The following DNAAF1 variants were observed in gnomAD, a reference collection of about 807,000 sequenced individuals.
DNAAF1 encodes dynein axonemal assembly factor 1.
DNAAF1 carries 65 observed loss-of-function variants against 71.1 expected under a neutral mutation model. The observed-to-expected ratio is 0.91, with a 90% CI of 0.75 to 1.12. The LOEUF (loss-of-function observed/expected upper bound fraction) is 1.12. Among genes scored for constraint, DNAAF1 ranks in the 50% most tolerant of loss-of-function variants. DNAAF1 has a pLI of 0.00. For missense variants in DNAAF1, 1,178 were observed against 899.8 expected, an observed-to-expected ratio of 1.31 and a Z score of -3.96; for synonymous variants, 414 against 354.6, an observed-to-expected ratio of 1.17 and a Z score of -1.88.
chr16:84,160,619 T>C (rs1466420031), intron 6 of DNAAF1, among the ~76,000 whole-genome samples: 1 of 152,176 alleles, frequency 6.6e-6, no homozygotes, highest in Non-Finnish European at 1.5e-5. Context: ...ATATTTCAAA[T>C]AGAGCTTCCA....
chr16:84,165,997 G>A (rs2087959851), intron 7 of DNAAF1, 48 bp downstream of exon 7: 1 of 1,597,820 alleles, frequency 6.3e-7, no homozygotes, highest in African/African-American at 1.4e-5. Context: ...TTTGAGATTA[G>A]GCAAGTCTAA....
intron 7 of DNAAF1, among the ~76,000 whole-genome samples, chr16:84,167,293 C>G (rs2088065669): frequency 6.6e-6 from 1 of 152,096 alleles, no homozygotes; most frequent in African/African-American, 2.4e-5. Flanking sequence ...CCTCTCTGGC[C>G]ACACCCCGCT....
intron 9 of DNAAF1, chr16:84,172,747 G>T (rs2088432784): frequency 1.7e-6 from 2 of 1,154,330 alleles, no homozygotes; most frequent in Non-Finnish European, 2.2e-6. Context: ...GAGTTACATT[G>T]TATCATCAGT....
chr16:84,145,384 C>A lies in DNAAF1; in HGVS notation c.-57C>A. 11 of 1,556,374 alleles carry A rather than the reference C, an allele frequency of 7.1e-6. 1 individual carries two copies. In the South Asian group the frequency reaches 1.3e-4, roughly 18 times the overall value. On this transcript the variant is annotated 5_prime_UTR_variant, in exon 1 of 12. Transcript: ENST00000378553. ...GGCTGGGCTGGGGCCGTAGCGACGT[C>A]CGCCGCGAACCTGGGCCCCCCAAAG...
At chr16:84,161,283 G>A (rs1015572449) in intron 6 of DNAAF1, among the ~76,000 whole-genome samples, 3 of 152,118 alleles carry the variant, frequency 2.0e-5, no homozygotes, top group African/African-American at 4.8e-5. Flanking sequence ...TCCTGCTCCC[G>A]CCCCAGGGGC....
intron 7 of DNAAF1, among the ~76,000 whole-genome samples, chr16:84,168,822 C>CCACACACA (rs1352763766): frequency 1.4e-3 from 61 of 42,376 alleles, no homozygotes; most frequent in African/African-American, 3.7e-3. Context: ...TACACATTTG[C>CCACACACA]CACATACACA....
Position 84,170,234 on chromosome 16 carries a change from C to G in DNAAF1, c.1406C>G (p.Pro469Arg). Residue 469 changes from proline (P) to arginine (R), a missense_variant, in exon 8 of 12, where the codon CCA becomes CGA. Pro to Arg is a moderately radical substitution (Grantham distance 103, BLOSUM62 -2). Coordinates refer to ENST00000378553, the MANE Select transcript of DNAAF1 (RefSeq NM_178452.6). ...GATCAAGAGCCAGAGGGGACCCTCC[C>G]AGCTGAGACCCTGCTACTGTCACCG... ...DGDQEPEGTLPAETLLLSPPV... is the reference protein window; with the variant it reads ...DGDQEPEGTLRAETLLLSPPV... 6.2e-7 allele frequency: 1 copy of G among 1,609,668 alleles called. No individual in the cohort carries two copies. Among genetic ancestry groups the G allele is most frequent in the Non-Finnish European group, 8.5e-7 (1 of 1,178,026 alleles).
intron 8 of DNAAF1, 36 bp from the exon 9 acceptor site, chr16:84,172,224 G>C (rs2088396701): frequency 1.2e-6 from 2 of 1,602,918 alleles, no homozygotes; most frequent in South Asian, 1.1e-5. Flanking sequence ...CCTGCCGTGT[G>C]TTAAACTAAC....
At chr16:84,149,262 G>A in intron 2 of DNAAF1, 120 bp downstream of exon 2, 1 of 1,317,606 alleles carries the variant, frequency 7.6e-7, no homozygotes, top group East Asian at 2.4e-5. Context: ...CCCAATGTCT[G>A]AGAATGGAGT....
chr16:84,174,695 T>C lies in DNAAF1; in HGVS notation c.1671T>C (p.Asp557=). Residue 557 remains aspartate (D), a synonymous_variant, in exon 10 of 12, where the codon GAT becomes GAC. Coordinates refer to ENST00000378553, the MANE Select transcript of DNAAF1 (RefSeq NM_178452.6). ...ACCTACCTGACTTGGAAGATGATGA[T>C]GAAACAGGCAAATCTCTGGAAGACC... is the stretch of plus-strand genomic sequence containing the variant. The part of the protein sequence containing the change: ...IDDLPDLEDD[D]ETGKSLEDQN... 1.2e-6 allele frequency: 2 copies of C among 1,614,214 alleles called. No homozygotes were observed. The highest frequency in any genetic ancestry group is 1.7e-6 in the Non-Finnish European group (2 of 1,180,038).
intron 5 of DNAAF1, among the ~76,000 whole-genome samples, chr16:84,156,833 C>T (rs972398275): frequency 2.8e-5 from 4 of 144,326 alleles, no homozygotes; most frequent in African/African-American, 7.9e-5. Context: ...TCTTTCCTTT[C>T]CTTTTCTTTC....
chr16:84,150,480 T>A, intron 3 of DNAAF1, 138 bp downstream of exon 3: 1 of 745,882 alleles, frequency 1.3e-6, no homozygotes. Context: ...TGGAGATTTA[T>A]GGAAAAGGAA....
chr16:84,165,717 A>C, intron 6 of DNAAF1, 66 bp from the exon 7 acceptor site: 3 of 1,477,860 alleles, frequency 2.0e-6, no homozygotes, highest in Non-Finnish European at 2.8e-6. Flanking sequence ...AAAATGAGCA[A>C]GTTGATCAGA....
At chr16:84,173,126 G>A (rs1281999708) in intron 9 of DNAAF1, 10 of 985,846 alleles carry the variant, frequency 1.0e-5, no homozygotes, top group African/African-American at 3.5e-5. Context: ...CTAAACTGGT[G>A]TTTCTAATGT....
In DNAAF1 at chr16:84,145,568, C is replaced by A; in HGVS notation, c.124+4C>A. 1 of 1,546,472 alleles carries A rather than the reference C, an allele frequency of 6.5e-7. No homozygotes were observed. The highest frequency in any genetic ancestry group is 8.7e-7 in the Non-Finnish European group (1 of 1,146,350). Reference sequence around the variant, plus strand: ...GGCCGAGGGGGCTGCAAGGAAGGTGCCGACTGCCCCCCAGGGAGGGCGGTG... The same window carrying A: ...GGCCGAGGGGGCTGCAAGGAAGGTGACGACTGCCCCCCAGGGAGGGCGGTG... On this transcript the variant is annotated splice_donor_region_variant and intron_variant, in intron 1 of 11. Coordinates refer to ENST00000378553, the MANE Select transcript of DNAAF1 (RefSeq NM_178452.6).
At chr16:84,160,910 C>G (rs1014810114) in intron 6 of DNAAF1, among the ~76,000 whole-genome samples, 2 of 150,584 alleles carry the variant, frequency 1.3e-5, no homozygotes, top group East Asian at 3.9e-4. Context: ...GCACTCCAGC[C>G]TGGGCAACAG....
At chr16:84,177,273 A>G (rs2088759085) in intron 11 of DNAAF1, 1 of 252,466 alleles carries the variant, frequency 4.0e-6, no homozygotes, top group Admixed American at 5.0e-5. Flanking sequence ...ACGTTGAATA[A>G]TTTGTTTTTG....
intron 5 of DNAAF1, among the ~76,000 whole-genome samples, chr16:84,157,983 A>G (rs569977569): frequency 8.6e-4 from 131 of 152,288 alleles, no homozygotes; most frequent in African/African-American, 2.9e-3. Flanking sequence ...CAAGGTGGGC[A>G]GATCACGAGG....
Position 84,148,596 on chromosome 16 carries a change from C to CTTTT in DNAAF1, c.125-396_125-393dup, listed in dbSNP as rs765676142. 8.7e-4 allele frequency among the ~76,000 whole-genome samples: 38 copies of CTTTT among 43,574 alleles called. 8 individuals are homozygous for CTTTT. Among genetic ancestry groups the CTTTT allele is most frequent in the East Asian group, 4.1e-3 (4 of 976 alleles). The allele number at this position is 43,574 out of a possible 152,430, so 28.6% of individuals were successfully genotyped here. ...AAAGATTACTGTTCTCTCTCTCTCT[C>CTTTT]TTTTTTTTTTTTTTTTTTGGTGAGA... On this transcript the variant is annotated intron_variant, in intron 1 of 11. Transcript: ENST00000378553.
Sources: gnomAD v4.1 joint callset for allele counts (sites outside exome capture counted in the v4.1 genomes callset) on GRCh38, gnomAD v4.1.1 for gene constraint, MANE v1.5 for transcripts, NCBI Gene and HGNC (gene_info 2026-07-23, HGNC 2026-07-21) for gene names.